Variants in CELSR1 observed in about 807,000 individuals in gnomAD.
The protein encoded by CELSR1 is adhesion G protein-coupled receptor C1.
CELSR1 carries 110 observed loss-of-function variants against 249.1 expected under a neutral mutation model. That is an observed-to-expected ratio of 0.44 (90% CI 0.38 to 0.52). CELSR1 has a LOEUF of 0.52. Ranked by LOEUF, CELSR1 falls within the 20% of genes least tolerant of loss-of-function variation. The pLI is 0.00. For missense variants in CELSR1, 4,109 were observed against 4,296.4 expected, an observed-to-expected ratio of 0.96 and a Z score of 1.22; for synonymous variants, 2,113 against 1,900.0, an observed-to-expected ratio of 1.11 and a Z score of -2.92.
intron 2 of CELSR1, chr22:46,462,744 A>G: frequency 3.8e-6 from 1 of 264,434 alleles, no homozygotes; most frequent in Non-Finnish European, 7.7e-6. Context: ...ATCAAAGACC[A>G]AAGCAAGATG....
In CELSR1 at chr22:46,391,895, G is replaced by A. The variant is rs1191054483; in HGVS notation, c.5965-79C>T. ...CCTTGCAGCGTGTTTCCCGAGCGAC[G>A]TCCAGACTCCCACCCGGGTGTGTGT... is the stretch of plus-strand genomic sequence containing the variant. On this transcript the variant is annotated intron_variant, in intron 14 of 34. Coordinates refer to ENST00000674500, the MANE Select transcript of CELSR1 (RefSeq NM_001378328.1). This position sits in a 1 kb window ranked among gnomAD's most constrained non-coding sequence, Gnocchi z 4.3. The A allele has an allele frequency of 9.7e-6, 14 of 1,443,254 alleles. No individual in the cohort carries two copies. Among genetic ancestry groups the A allele is most frequent in the Middle Eastern group, 1.8e-4 (1 of 5,496 alleles). The allele number at this position is 1,443,254 out of a possible 1,614,324, so 89.4% of individuals were successfully genotyped here.
In CELSR1 at chr22:46,411,690, C is replaced by T; in HGVS notation, c.4681G>A (p.Asp1561Asn). The T allele has an allele frequency of 1.2e-6, 2 of 1,614,244 alleles. No homozygotes were observed. Among genetic ancestry groups the T allele is most frequent in the African/African-American group, 1.3e-5 (1 of 75,082 alleles). ...GEKMAVVTVDDCDTTMAVRFG... is the reference protein window; with the variant it reads ...GEKMAVVTVDNCDTTMAVRFG... ...CGCACAGCCATGGTTGTGTCACAAT[C>T]ATCCACTGTCACCACGGCCATCTTT... The change falls in exon 6 of 35, where the codon GAT (aspartate) becomes AAT (asparagine). Residue 1561 changes from aspartate (D) to asparagine (N), a missense_variant. Physicochemically the swap from Asp to Asn is conservative, Grantham distance 23. Coordinates refer to ENST00000674500, the MANE Select transcript of CELSR1 (RefSeq NM_001378328.1). The surrounding 1 kb of genome is among the most constrained non-coding windows in gnomAD (Gnocchi z 4.2).
At chr22:46,372,060 C>T (rs2078858128) in intron 25 of CELSR1, among the ~76,000 whole-genome samples, 2 of 151,316 alleles carry the variant, frequency 1.3e-5, no homozygotes, top group South Asian at 4.2e-4. Context: ...TCCATCTACC[C>T]ACCCATCCAC....
chr22:46,397,179 C>T (rs1484199128), intron 12 of CELSR1, among the ~76,000 whole-genome samples: 1 of 151,952 alleles, frequency 6.6e-6, no homozygotes, highest in African/African-American at 2.4e-5. Flanking sequence ...TCTCAGCTCA[C>T]TGGAACCTTT....
rs778133015 is a variant in CELSR1 at position 46,464,224 on chromosome 22, C to G, written c.3666G>C (p.Pro1222=). ...CCCCCTCCACGAAGAGGGCCAGCAG[C>G]GGGGACAGGAACTTCTCCTGGGACA... ...ENMSQEKFLS[P]LLALFVEGVA... Residue 1222 remains proline (P), a synonymous_variant, in exon 2 of 35, where the codon CCG becomes CCC. Coordinates refer to ENST00000674500, the MANE Select transcript of CELSR1 (RefSeq NM_001378328.1). The surrounding 1 kb of genome is among the most constrained non-coding windows in gnomAD (Gnocchi z 8.5). 4 of 1,613,766 alleles carry G rather than the reference C, an allele frequency of 2.5e-6. No individual in the cohort carries two copies. Among genetic ancestry groups the G allele is most frequent in the Non-Finnish European group, 3.4e-6 (4 of 1,180,026 alleles).
In CELSR1 at chr22:46,460,656, G is replaced by A. The variant is rs1159414945; in HGVS notation, c.4183+3051C>T. Among the ~76,000 whole-genome samples the A allele has an allele frequency of 2.6e-5, 4 of 152,160 alleles. No individual in the cohort carries two copies. The East Asian group carries it at 5.8e-4, about 22-fold the overall frequency. On this transcript the variant is annotated intron_variant, in intron 2 of 34. Transcript: ENST00000674500. ...GGTTGTTTAGGACTCTCTGCAGAGC[G>A]GAGAAACTGGGAGGCCATCCCAGGC...
intron 9 of CELSR1, among the ~76,000 whole-genome samples, chr22:46,403,564 A>C (rs559548163): frequency 5.1e-4 from 78 of 152,092 alleles, no homozygotes; most frequent in South Asian, 1.0e-3. Flanking sequence ...CACACACACA[A>C]AAAAAACAAT....
chr22:46,478,251 T>C (rs1161895981), intron 1 of CELSR1, among the ~76,000 whole-genome samples: 1 of 152,134 alleles, frequency 6.6e-6, no homozygotes, highest in Non-Finnish European at 1.5e-5. Flanking sequence ...AGCCCAGAGA[T>C]TGACACGGGC....
chr22:46,429,621 ACT>A lies in CELSR1; in HGVS notation c.4611+3770_4611+3771del, dbSNP rs2079571914. 6.6e-6 allele frequency among the ~76,000 whole-genome samples: 1 copy of A among 151,992 alleles called. No homozygotes were observed. Among genetic ancestry groups the A allele is most frequent in the Non-Finnish European group, 1.5e-5 (1 of 67,928 alleles). ...TCAGGCAGAAAGGAAAAATAAACAG[ACT>A]CTGCCTGCTCCCTGCCTGGGAGGGT... On this transcript the variant is annotated intron_variant, in intron 5 of 34. Transcript: ENST00000674500. This position sits in a 1 kb window ranked among gnomAD's most constrained non-coding sequence, Gnocchi z 4.1.
rs1825779518 is a variant in CELSR1 at position 46,468,384 on chromosome 22, T to TAA, written c.3545-4040_3545-4039insTT. On this transcript the variant is annotated intron_variant, in intron 1 of 34. Coordinates refer to ENST00000674500, the MANE Select transcript of CELSR1 (RefSeq NM_001378328.1). This position sits in a 1 kb window ranked among gnomAD's most constrained non-coding sequence, Gnocchi z 4.5. ...CTGGGCAACAAAGCAAGACTCTGTC[T>TAA]CAAAAAAAAAAAAAAATGTGGTCCA... Among the ~76,000 whole-genome samples the TAA allele has an allele frequency of 4.8e-4, 28 of 58,786 alleles. No individual in the cohort carries two copies. The highest frequency in any genetic ancestry group is 1.6e-3 in the African/African-American group (25 of 15,388). 38.6% of individuals were successfully genotyped at this position (58,786 alleles called of 152,430 possible). A position where few individuals can be genotyped will look rare whatever the true frequency, so the allele number is the denominator to read the frequency against.
rs1309754529 is a variant in CELSR1, at chr22:46,395,703, T to TC, written c.5843+901dup. The stretch of plus-strand genomic sequence containing the variant: ...GACAAAGAACGGAGCATAGCAGGTG[T>TC]CCCTGCACCTGATGGCCACCAGCAG... On this transcript the variant is annotated intron_variant, in intron 13 of 34. Transcript: ENST00000674500. This position sits in a 1 kb window ranked among gnomAD's most constrained non-coding sequence, Gnocchi z 5.5. 6.6e-6 allele frequency among the ~76,000 whole-genome samples: 1 copy of TC among 151,956 alleles called. No individual in the cohort carries two copies. The highest frequency in any genetic ancestry group is 1.9e-4 in the East Asian group (1 of 5,188).
At chr22:46,456,676 A>C (rs538562036) in intron 2 of CELSR1, among the ~76,000 whole-genome samples, 2,750 of 150,950 alleles carry the variant, frequency 0.018, 45 homozygotes, top group Non-Finnish European at 0.028. Flanking sequence ...AAAAAAAAAA[A>C]AAAAAAAAAA....
At position 46,423,587 on chromosome 22, in the gene CELSR1, A is replaced by T. The variant is rs1000970738; in HGVS notation, c.4611+9806T>A. Among the ~76,000 whole-genome samples the T allele has an allele frequency of 6.9e-6, 1 of 145,074 alleles. No individual in the cohort carries two copies. Among genetic ancestry groups the T allele is most frequent in the Non-Finnish European group, 1.5e-5 (1 of 66,988 alleles). ...GCCTTTACACTCCAGCCTGGGCAAC[A>T]GGAGCGAAACTTCGTCTCAGAAAAA... On this transcript the variant is annotated intron_variant, in intron 5 of 34. Coordinates refer to ENST00000674500, the MANE Select transcript of CELSR1 (RefSeq NM_001378328.1). The surrounding 1 kb of genome is among the most constrained non-coding windows in gnomAD (Gnocchi z 5.6).
At position 46,433,471 on chromosome 22, in the gene CELSR1, T is replaced by C. The variant is rs748878924; in HGVS notation, c.4533A>G (p.Thr1511=). Residue 1511 remains threonine, a synonymous_variant, in exon 5 of 35, where the codon ACA becomes ACG. Transcript: ENST00000674500. This position sits in a 1 kb window ranked among gnomAD's most constrained non-coding sequence, Gnocchi z 5.7. The part of the protein sequence containing the change: ...VQLTFSAGET[T]TTVAPKVPSG... ...TGGGAACCTTCGGTGCCACGGTCGT[T>C]GTTGTCTCGCCTGCATGGTGGGAGG... is the stretch of plus-strand genomic sequence containing the variant. 1.9e-6 allele frequency: 3 copies of C among 1,598,736 alleles called. No individual in the cohort carries two copies. In the South Asian group the frequency reaches 3.3e-5, roughly 18 times the overall value.
intron 1 of CELSR1, among the ~76,000 whole-genome samples, chr22:46,491,656 ACAGGGTGTTATT>A: frequency 8.2e-6 from 1 of 122,532 alleles, no homozygotes; most frequent in African/African-American, 2.8e-5. Flanking sequence ...TTTTTTTTAG[ACAGGGTGTTATT>A]CTGTCACCCA....
Position 46,536,858 on chromosome 22 carries a change from G to A in CELSR1, c.313C>T (p.Leu105=), listed in dbSNP as rs2080863777. The A allele has an allele frequency of 4.9e-6, 6 of 1,233,730 alleles. No homozygotes were observed. The South Asian group carries it at 1.2e-4, about 25-fold the overall frequency. The allele number at this position is 1,233,730 out of a possible 1,614,324, so 76.4% of individuals were successfully genotyped here. A position where few individuals can be genotyped will look rare whatever the true frequency, so the allele number is the denominator to read the frequency against. The change falls in exon 1 of 35, where the codon CTG becomes TTG. Residue 105 remains leucine, a synonymous_variant. Coordinates refer to ENST00000674500, the MANE Select transcript of CELSR1 (RefSeq NM_001378328.1). ...RSAPTALSRR[L]RARTHLPGCG... is the part of the protein sequence containing the mutation. ...CCGGGAAGGTGCGTGCGCGCCCGCA[G>A]GCGGCGGCTCAGCGCCGTCGGGGCA...
rs2079140299 is a variant in CELSR1, at chr22:46,395,696, G to A, written c.5843+909C>T. 6.6e-6 allele frequency among the ~76,000 whole-genome samples: 1 copy of A among 152,170 alleles called. No homozygotes were observed. Among genetic ancestry groups the A allele is most frequent in the Admixed American group, 6.5e-5 (1 of 15,276 alleles). On this transcript the variant is annotated intron_variant, in intron 13 of 34. Transcript: ENST00000674500. This position sits in a 1 kb window ranked among gnomAD's most constrained non-coding sequence, Gnocchi z 5.5. ...TCGGGAGGACAAAGAACGGAGCATA[G>A]CAGGTGTCCCTGCACCTGATGGCCA...
intron 1 of CELSR1, among the ~76,000 whole-genome samples, chr22:46,504,125 G>T (rs71313052): frequency 9.2e-4 from 140 of 152,314 alleles, no homozygotes; most frequent in Middle Eastern, 3.4e-3. Flanking sequence ...AAAGATATTT[G>T]CAACAAGTTA....
chr22:46,431,578 C>G (rs2079596119), intron 5 of CELSR1, among the ~76,000 whole-genome samples: 1 of 152,230 alleles, frequency 6.6e-6, no homozygotes, highest in African/African-American at 2.4e-5. Context: ...GGAGGCACCA[C>G]CCCAGGGGGC....
Sources: gnomAD v4.1 joint callset for allele counts (sites outside exome capture counted in the v4.1 genomes callset) on GRCh38, gnomAD v4.1.1 for gene constraint, Gnocchi (gnomAD v3.1) non-coding constraint, MANE v1.5 for transcripts, NCBI Gene and HGNC (gene_info 2026-07-23, HGNC 2026-07-21) for gene names.